CSN2: variants seen among roughly 807,000 people sequenced by gnomAD.
CSN2 encodes the protein beta-casein.
A neutral mutation model predicts 27.3 loss-of-function variants in CSN2; 27 were observed. That is an observed-to-expected ratio of 0.99 (90% CI 0.73 to 1.36). The LOEUF is 1.36. Among genes scored for constraint, CSN2 ranks in the 40% most tolerant of loss-of-function variants. The pLI, the probability that CSN2 is intolerant of heterozygous loss-of-function variation, is 0.00. For missense variants in CSN2, 333 were observed against 264.5 expected (o/e 1.26, Z -1.80); for synonymous variants, 131 against 94.8 (o/e 1.38, Z -2.22).
At chr4:69,963,409 A>C (rs1479643510) in intron 1 of CSN2, among the ~76,000 whole-genome samples, 2 of 151,394 alleles carry the variant, frequency 1.3e-5, no homozygotes, top group Admixed American at 6.6e-5. Flanking sequence ...TGCAGCCATA[A>C]AAAATGATGA....
At chr4:69,963,998 T>A (rs931221774) in intron 1 of CSN2, among the ~76,000 whole-genome samples, 4 of 122,324 alleles carry the variant, frequency 3.3e-5, no homozygotes, top group African/African-American at 1.8e-4. Context: ...ACTATTTTAG[T>A]TTATTTCTCC....
intron 6 of CSN2, among the ~76,000 whole-genome samples, chr4:69,956,991 C>G (rs1723416062): frequency 6.6e-6 from 1 of 151,900 alleles, no homozygotes; most frequent in African/African-American, 2.4e-5. Flanking sequence ...CATCACACAC[C>G]TGGACCTGTC....
chr4:69,961,006 T>C lies in CSN2; in HGVS notation c.-11A>G. 6.2e-7 allele frequency: 1 copy of C among 1,610,850 alleles called. No homozygotes were observed. The highest frequency in any genetic ancestry group is 8.5e-7 in the Non-Finnish European group (1 of 1,177,706). On this transcript the variant is annotated splice_region_variant and 5_prime_UTR_variant, in exon 2 of 8. Coordinates refer to ENST00000353151, the MANE Select transcript of CSN2 (RefSeq NM_001891.4). ...GATGAGGACCTTCATGGCTACTAAG[T>C]CCTGTGAATGTAGAAAAAATGGAAT...
intron 1 of CSN2, among the ~76,000 whole-genome samples, chr4:69,964,769 TA>T (rs1477405512): frequency 6.7e-6 from 1 of 149,622 alleles, no homozygotes; most frequent in Non-Finnish European, 1.5e-5. Context: ...CTAATATATA[TA>T]ATAATTTTAT....
chr4:69,956,344 A>C lies in CSN2; in HGVS notation c.*6T>G, dbSNP rs769427560. On this transcript the variant is annotated 3_prime_UTR_variant, in exon 7 of 8. Coordinates refer to ENST00000353151, the MANE Select transcript of CSN2 (RefSeq NM_001891.4). Reference sequence around the variant, plus strand: ...ATAAGGAGGGAAAATTAACTTTGAAATCTTCTTAGACCTTAAAAATAAACA... The same window carrying C: ...ATAAGGAGGGAAAATTAACTTTGAACTCTTCTTAGACCTTAAAAATAAACA... 3 of 1,415,046 alleles carry C rather than the reference A, an allele frequency of 2.1e-6. No homozygotes were observed. In the South Asian group the frequency reaches 4.8e-5, roughly 23 times the overall value. 87.7% of individuals were successfully genotyped at this position (1,415,046 alleles called of 1,614,324 possible). A position where few individuals can be genotyped will look rare whatever the true frequency, so the allele number is the denominator to read the frequency against.
Position 69,957,581 on chromosome 4 carries a change from A to G in CSN2, c.368T>C (p.Ile123Thr), listed in dbSNP as rs745828002. ...TGGGATTTGAGGGTCAAAAAAGGGT[A>G]TCGTTGGAGATTTAAGGACAGGCAT... The part of the protein sequence containing the change: ...RVMPVLKSPT[I>T]PFFDPQIPKL... Residue 123 changes from isoleucine (I) to threonine (T), a missense_variant, in exon 6 of 8, where the codon ATA becomes ACA. Physicochemically the swap from Ile to Thr is moderately conservative, Grantham distance 89 (BLOSUM62 -1). Coordinates refer to ENST00000353151, the MANE Select transcript of CSN2 (RefSeq NM_001891.4). 1 of 1,613,988 alleles carries G rather than the reference A, an allele frequency of 6.2e-7. No individual in the cohort carries two copies. Among genetic ancestry groups the G allele is most frequent in the South Asian group, 1.1e-5 (1 of 91,066 alleles).
chr4:69,958,078 T>C (rs375334133), intron 5 of CSN2, among the ~76,000 whole-genome samples: 2 of 152,214 alleles, frequency 1.3e-5, no homozygotes, highest in African/African-American at 4.8e-5. Flanking sequence ...TTTAACATTT[T>C]CCTGAATTGC....
chr4:69,957,257 A>G lies in CSN2; in HGVS notation c.675+17T>C. On this transcript the variant is annotated intron_variant, in intron 6 of 7. Coordinates refer to ENST00000353151, the MANE Select transcript of CSN2 (RefSeq NM_001891.4). The stretch of plus-strand genomic sequence containing the variant: ...ACATCTTGAATGAAACAGCAAAGCC[A>G]GTAAATTTGGACTTACACTAATGGG... 1 of 1,513,796 alleles carries G rather than the reference A, an allele frequency of 6.6e-7. No individual in the cohort carries two copies. The highest frequency in any genetic ancestry group is 8.8e-7 in the Non-Finnish European group (1 of 1,130,678). The allele number at this position is 1,513,796 out of a possible 1,614,324, so 93.8% of individuals were successfully genotyped here.
At chr4:69,958,789 G>T in intron 5 of CSN2, 120 bp downstream of exon 5, 1 of 598,596 alleles carries the variant, frequency 1.7e-6, no homozygotes, top group Non-Finnish European at 2.8e-6. Flanking sequence ...AAAGTGGTTG[G>T]TGGGTATATG....
chr4:69,960,665 A>T (rs951715437), intron 2 of CSN2, among the ~76,000 whole-genome samples: 2 of 152,068 alleles, frequency 1.3e-5, no homozygotes, highest in African/African-American at 4.8e-5. Context: ...TTTATGCAAT[A>T]TTATATTTCG....
At position 69,962,552 on chromosome 4, in the gene CSN2, G is replaced by A. The variant is rs573002048; in HGVS notation, c.-12-1545C>T. Among the ~76,000 whole-genome samples, 1,211 of 152,054 alleles carry A rather than the reference G, an allele frequency of 8.0e-3. 5 individuals carry two copies. The highest frequency in any genetic ancestry group is 0.027 in the Middle Eastern group (8 of 294). On this transcript the variant is annotated intron_variant, in intron 1 of 7. Coordinates refer to ENST00000353151, the MANE Select transcript of CSN2 (RefSeq NM_001891.4). The stretch of plus-strand genomic sequence containing the variant: ...GCCATATGTAGAAAGCTGAAACCGG[G>A]TCCCTTCCTTACACCTTATACAAAA...
At chr4:69,960,022 T>C (rs765711120) in intron 3 of CSN2, 31 bp downstream of exon 3, 1 of 1,601,798 alleles carries the variant, frequency 6.2e-7, no homozygotes, top group East Asian at 2.2e-5. Flanking sequence ...AGGATTTTAC[T>C]GTTCTAAAAT....
At chr4:69,959,146 C>A (rs1271523052) in intron 3 of CSN2, 77 bp from the exon 4 acceptor site, 3 of 1,051,210 alleles carry the variant, frequency 2.9e-6, no homozygotes, top group East Asian at 2.7e-5. Flanking sequence ...GAAATAAAGG[C>A]ATTAATTCTT....
chr4:69,958,622 A>T (rs1723476506), intron 5 of CSN2, among the ~76,000 whole-genome samples: 1 of 152,108 alleles, frequency 6.6e-6, no homozygotes, highest in Non-Finnish European at 1.5e-5. Flanking sequence ...CATAGTTCCC[A>T]ACCTGGAAAT....
chr4:69,963,887 A>T (rs1723702958), intron 1 of CSN2, among the ~76,000 whole-genome samples: 1 of 152,160 alleles, frequency 6.6e-6, no homozygotes, highest in Admixed American at 6.5e-5. Flanking sequence ...TTACTCCCTC[A>T]TGGAGCCTCA....
chr4:69,961,025 A>G lies in CSN2; in HGVS notation c.-12-18T>C. 6.3e-7 allele frequency: 1 copy of G among 1,596,354 alleles called. No individual in the cohort carries two copies. The highest frequency in any genetic ancestry group is 8.6e-7 in the Non-Finnish European group (1 of 1,164,514). ...ACTAAGTCCTGTGAATGTAGAAAAA[A>G]TGGAATGGTGGAAGATTGGTCAATT... On this transcript the variant is annotated intron_variant, in intron 1 of 7. Transcript: ENST00000353151.
Position 69,957,423 on chromosome 4 carries a change from C to T in CSN2, c.526G>A (p.Val176Ile), listed in dbSNP as rs1723435305. The change falls in exon 6 of 8, where the codon GTC becomes ATC. Residue 176 changes from valine to isoleucine, a missense_variant. Transcript: ENST00000353151. ...QPLWSVPQPK[V>I]LPIPQQVVPY... The stretch of plus-strand genomic sequence containing the variant: ...ACCACTTGCTGGGGGATAGGCAGGA[C>T]TTTGGGCTGAGGAACAGACCACAGG... 6.2e-7 allele frequency: 1 copy of T among 1,613,556 alleles called. No individual in the cohort carries two copies. Among genetic ancestry groups the T allele is most frequent in the African/African-American group, 1.3e-5 (1 of 74,958 alleles).
intron 1 of CSN2, among the ~76,000 whole-genome samples, chr4:69,964,842 AT>A (rs944239111): frequency 6.7e-6 from 1 of 150,088 alleles, no homozygotes. Flanking sequence ...ACTAATACTA[AT>A]TATACTAGTT....
chr4:69,963,763 AT>A (rs1723697921), intron 1 of CSN2, among the ~76,000 whole-genome samples: 1 of 152,100 alleles, frequency 6.6e-6, no homozygotes, highest in Admixed American at 6.6e-5. Flanking sequence ...GACAAATAAA[AT>A]TTAAAAAAAG....
Sources: allele counts gnomAD v4.1 joint callset (sites outside exome capture counted in the v4.1 genomes callset), GRCh38; gene constraint gnomAD v4.1.1; transcripts MANE v1.5; gene names NCBI Gene and HGNC (gene_info 2026-07-23, HGNC 2026-07-21).